Variants in ZSCAN30 observed in about 807,000 individuals in gnomAD.
ZSCAN30 encodes zinc finger and SCAN domain containing 30, also known as zinc finger and SCAN domain-containing protein 30.
ZSCAN30 carries 37 observed loss-of-function variants against 44.3 expected under a neutral mutation model. The ratio of observed to expected loss-of-function variants is 0.84; its 90% CI spans 0.64 to 1.10. The LOEUF (loss-of-function observed/expected upper bound fraction) is 1.10. Ranked by LOEUF, ZSCAN30 falls within the 50% of genes least tolerant of loss-of-function variation. ZSCAN30 has a pLI of 0.00. For missense variants in ZSCAN30, 549 were observed against 582.6 expected, an observed-to-expected ratio of 0.94 and a Z score of 0.59; for synonymous variants, 181 against 204.6, an observed-to-expected ratio of 0.88 and a Z score of 0.98.
At chr18:35,277,137 G>A (rs983807818) in intron 1 of ZSCAN30, among the ~76,000 whole-genome samples, 82 of 152,288 alleles carry the variant, frequency 5.4e-4, no homozygotes, top group African/African-American at 1.9e-3. Context: ...CTCCCATTTG[G>A]AATAGGTGTA....
At chr18:35,260,323 T>C (rs929708635) in intron 3 of ZSCAN30, 1 of 152,220 alleles carries the variant, frequency 6.6e-6, no homozygotes, top group African/African-American at 2.4e-5. Flanking sequence ...AATGAACATA[T>C]GCATGCATAT....
chr18:35,267,857 A>G (rs2044193384), intron 1 of ZSCAN30: 1 of 152,050 alleles, frequency 6.6e-6, no homozygotes, highest in African/African-American at 2.4e-5. Flanking sequence ...TTTGAGAGGA[A>G]GAGGAGCTGA....
At chr18:35,273,212 G>A (rs2044314481) in intron 1 of ZSCAN30, among the ~76,000 whole-genome samples, 1 of 152,096 alleles carries the variant, frequency 6.6e-6, no homozygotes, top group Non-Finnish European at 1.5e-5. Context: ...TCCCTCCCCT[G>A]AGCCCCTGGC....
At chr18:35,285,192 A>G (rs2044529486) in intron 1 of ZSCAN30, 1 of 152,398 alleles carries the variant, frequency 6.6e-6, no homozygotes. Context: ...AAAAAAGAGA[A>G]AAAGGAAAAG....
rs1375664307 is a variant in ZSCAN30, at chr18:35,252,879, C to G, written c.*571G>C. ...CTTGAATTAACCTCAGCAGGAAGCT[C>G]AGGATTGAGGAGACAACTGGCAAGG... is the stretch of plus-strand genomic sequence containing the variant. On this transcript the variant is annotated 3_prime_UTR_variant, in exon 4 of 4. Coordinates refer to ENST00000333206, the MANE Select transcript of ZSCAN30 (RefSeq NM_001112734.4). 1 of 153,138 alleles carries G rather than the reference C, an allele frequency of 6.5e-6. No individual in the cohort carries two copies. The highest frequency in any genetic ancestry group is 6.5e-5 in the Admixed American group (1 of 15,414). 9.5% of individuals were successfully genotyped at this position (153,138 alleles called of 1,614,324 possible).
intron 1 of ZSCAN30, among the ~76,000 whole-genome samples, chr18:35,273,315 G>A (rs192849026): frequency 1.5e-3 from 224 of 152,182 alleles, no homozygotes; most frequent in Non-Finnish European, 2.4e-3. Context: ...TTTGTGACTG[G>A]CTTATTTTAC....
chr18:35,271,123 T>C (rs1418320083), intron 1 of ZSCAN30, among the ~76,000 whole-genome samples: 1 of 152,186 alleles, frequency 6.6e-6, no homozygotes, highest in African/African-American at 2.4e-5. Flanking sequence ...GCAAGATTTA[T>C]TGCAAAAAGC....
At chr18:35,276,139 A>G (rs923508875) in intron 1 of ZSCAN30, among the ~76,000 whole-genome samples, 2 of 152,230 alleles carry the variant, frequency 1.3e-5, no homozygotes, top group Non-Finnish European at 2.9e-5. Flanking sequence ...TTTGGATATC[A>G]AAGTAATATT....
intron 1 of ZSCAN30, chr18:35,281,313 A>G (rs4799380): frequency 0.89 from 135,173 of 152,190 alleles, 60,500 homozygotes; most frequent in Non-Finnish European, 0.93. Flanking sequence ...GTGTCAGCTG[A>G]TATGGACCAT....
Position 35,253,700 on chromosome 18 carries a change from C to T in ZSCAN30, c.1235G>A (p.Ser412Asn), listed in dbSNP as rs2043677598. Residue 412 changes from serine to asparagine, a missense_variant, in exon 4 of 4, where the codon AGC becomes AAC. Physicochemically the swap from Ser to Asn is conservative, Grantham distance 46 (BLOSUM62 1). Transcript: ENST00000333206. ...CTTACCACATGCAATACATTCATAGCTTTTATCTCCAGTGTGAATTTTCTT... is the reference window on the plus strand; with the variant it reads ...CTTACCACATGCAATACATTCATAGTTTTTATCTCCAGTGTGAATTTTCTT... ...QHKKIHTGDK[S>N]YECIACGKAF... The T allele has an allele frequency of 1.9e-6, 3 of 1,613,856 alleles. No individual in the cohort carries two copies. Among genetic ancestry groups the T allele is most frequent in the South Asian group, 2.2e-5 (2 of 91,086 alleles).
chr18:35,272,813 C>T (rs549651923), intron 1 of ZSCAN30, among the ~76,000 whole-genome samples: 2 of 152,212 alleles, frequency 1.3e-5, no homozygotes, highest in Non-Finnish European at 2.9e-5. Flanking sequence ...TACAGTTACA[C>T]GTAGCTGGGG....
At chr18:35,278,921 T>C (rs2044409758) in intron 1 of ZSCAN30, among the ~76,000 whole-genome samples, 1 of 152,230 alleles carries the variant, frequency 6.6e-6, no homozygotes, top group South Asian at 2.1e-4. Context: ...AGAAGTATCT[T>C]TAATGTTCAT....
rs200753413 is a variant in ZSCAN30, at chr18:35,264,301, C to T, written c.52G>A (p.Gly18Arg). The T allele has an allele frequency of 2.0e-5, 33 of 1,613,984 alleles. No individual in the cohort carries two copies. Among genetic ancestry groups the T allele is most frequent in the Non-Finnish European group, 2.5e-5 (30 of 1,180,046 alleles). Residue 18 changes from glycine (G) to arginine (R), a missense_variant, in exon 2 of 4, where the codon GGA (glycine) becomes AGA (arginine). By Grantham distance (125) the Gly-to-Arg change is moderately radical. Transcript: ENST00000333206. ...LAYHAPEEQE[G>R]LLVVKVEEEN... ...TCTTCAACCTTGACAACTAGAAGTC[C>T]TTCCTGTTCTTCTGGAGCATGGTAG...
chr18:35,265,124 C>A (rs1423999913), intron 1 of ZSCAN30, among the ~76,000 whole-genome samples: 1 of 150,270 alleles, frequency 6.7e-6, no homozygotes, highest in East Asian at 1.9e-4. Flanking sequence ...CCAGCCTGGG[C>A]AACAGAGACT....
chr18:35,264,244 G>A lies in ZSCAN30; in HGVS notation c.109C>T (p.Leu37Phe), dbSNP rs781169583. Residue 37 changes from leucine to phenylalanine, a missense_variant, in exon 2 of 4, where the codon CTT (leucine) becomes TTT (phenylalanine). By Grantham distance (22) the Leu-to-Phe change is conservative. Coordinates refer to ENST00000333206, the MANE Select transcript of ZSCAN30 (RefSeq NM_001112734.4). ...ENYVLDQDFG[L>F]QENPWSQEVF... ...TCTTGGCTCCAGGGGTTTTCCTGAA[G>A]GCCAAAGTCCTGGTCCAAAACATAA... 1.2e-6 allele frequency: 2 copies of A among 1,614,170 alleles called. No homozygotes were observed. Among genetic ancestry groups the A allele is most frequent in the Non-Finnish European group, 1.7e-6 (2 of 1,180,042 alleles).
At chr18:35,273,635 G>C (rs1338353998) in intron 1 of ZSCAN30, among the ~76,000 whole-genome samples, 2 of 152,110 alleles carry the variant, frequency 1.3e-5, no homozygotes, top group African/African-American at 4.8e-5. Flanking sequence ...CCATTGAATG[G>C]TCTTAGCAAC....
At chr18:35,263,474 A>G in intron 3 of ZSCAN30, 39 bp downstream of exon 3, 1 of 1,610,772 alleles carries the variant, frequency 6.2e-7, no homozygotes, top group South Asian at 1.1e-5. Context: ...GATAGCTCTC[A>G]CCTCCATCCT....
intron 1 of ZSCAN30, chr18:35,267,411 C>T (rs1467643583): frequency 6.6e-6 from 1 of 152,316 alleles, no homozygotes; most frequent in African/African-American, 2.4e-5. Context: ...GGCGCGGAGG[C>T]CGGATGCGGG....
intron 1 of ZSCAN30, chr18:35,266,800 G>A (rs1440508507): frequency 1.3e-5 from 2 of 151,182 alleles, no homozygotes; most frequent in African/African-American, 4.9e-5. Context: ...CCGAGTAGCT[G>A]GGACTACAGG....
Sources: gnomAD v4.1 joint callset for allele counts (sites outside exome capture counted in the v4.1 genomes callset) on GRCh38, gnomAD v4.1.1 for gene constraint, MANE v1.5 for transcripts, NCBI Gene and HGNC (gene_info 2026-07-23, HGNC 2026-07-21) for gene names.